The following ULK4 variants were observed in gnomAD, a reference collection of about 807,000 sequenced individuals.
ULK4 encodes the protein unc-51 like kinase 4.
Under a neutral mutation model 160.6 loss-of-function variants are expected in ULK4, and 133 were observed. The ratio of observed to expected loss-of-function variants is 0.83; its 90% CI spans 0.72 to 0.96. The LOEUF is 0.96. Ranked by LOEUF, ULK4 falls within the 40% of genes least tolerant of loss-of-function variation. The probability of loss-of-function intolerance (pLI) is 0.00; values close to 1 mark genes in which losing one functional copy is unlikely to be tolerated. For synonymous variants in ULK4, 534 were observed against 539.8 expected (o/e 0.99, Z 0.15); for missense variants, 1,580 against 1,499.5 (o/e 1.05, Z -0.89).
intron 35 of ULK4, among the ~76,000 whole-genome samples, chr3:41,293,083 C>G (rs2079602756): frequency 6.6e-6 from 1 of 152,128 alleles, no homozygotes; most frequent in Non-Finnish European, 1.5e-5. Flanking sequence ...GATCATGTCA[C>G]TGCACTCCAG....
At chr3:41,364,338 C>A (rs1016520004) in intron 35 of ULK4, among the ~76,000 whole-genome samples, 1 of 152,174 alleles carries the variant, frequency 6.6e-6, no homozygotes, top group Non-Finnish European at 1.5e-5. Context: ...ACCTTTGCCC[C>A]TGAACTGATT....
Position 41,520,656 on chromosome 3 carries a change from AC to A in ULK4, c.3226+45368del, listed in dbSNP as rs1437297389. On this transcript the variant is annotated intron_variant, in intron 32 of 36. Transcript: ENST00000301831. The stretch of plus-strand genomic sequence containing the variant: ...CTATACAATTTTCCACAGCGGCTGA[AC>A]CATTTTACATTTCTACCAGCAATGC... Among the ~76,000 whole-genome samples the A allele has an allele frequency of 1.3e-4, 20 of 152,270 alleles. 1 individual carries two copies. Among genetic ancestry groups the A allele is most frequent in the Admixed American group, 3.3e-4 (5 of 15,292 alleles).
chr3:41,287,951 T>A (rs1320486414), intron 35 of ULK4, among the ~76,000 whole-genome samples: 1 of 152,194 alleles, frequency 6.6e-6, no homozygotes, highest in Non-Finnish European at 1.5e-5. Flanking sequence ...TGAAACTTTT[T>A]TGGATCTTGA....
intron 31 of ULK4, among the ~76,000 whole-genome samples, chr3:41,593,892 G>A (rs1263164010): frequency 6.6e-6 from 1 of 151,772 alleles, no homozygotes; most frequent in African/African-American, 2.4e-5. Context: ...ACTTAGCCAG[G>A]TATCACGGCA....
chr3:41,601,501 T>C (rs182670244), intron 31 of ULK4, among the ~76,000 whole-genome samples: 13 of 152,140 alleles, frequency 8.5e-5, no homozygotes, highest in Admixed American at 4.6e-4. Flanking sequence ...AGTAGAAAAA[T>C]TGTGGGTTGG....
At chr3:41,677,983 C>T (rs1047020292) in intron 29 of ULK4, among the ~76,000 whole-genome samples, 1 of 152,082 alleles carries the variant, frequency 6.6e-6, no homozygotes, top group Non-Finnish European at 1.5e-5. Context: ...CTGCCTTGAA[C>T]TGGGACACAG....
intron 31 of ULK4, among the ~76,000 whole-genome samples, chr3:41,575,175 G>T (rs1462854554): frequency 6.6e-6 from 1 of 152,222 alleles, no homozygotes; most frequent in Non-Finnish European, 1.5e-5. Flanking sequence ...GAATTAAACT[G>T]AAAGGGCACA....
At chr3:41,866,247 G>T (rs1696868980) in intron 17 of ULK4, among the ~76,000 whole-genome samples, 1 of 152,196 alleles carries the variant, frequency 6.6e-6, no homozygotes, top group South Asian at 2.1e-4. Context: ...TATCGTTCAT[G>T]CTGTGTTGCT....
chr3:41,756,406 G>T (rs1487248906), intron 21 of ULK4, among the ~76,000 whole-genome samples: 1 of 152,108 alleles, frequency 6.6e-6, no homozygotes, highest in East Asian at 1.9e-4. Context: ...CCATTAAAAA[G>T]AGGTTAAAAC....
intron 2 of ULK4, among the ~76,000 whole-genome samples, chr3:41,939,403 A>G (rs71325688): frequency 8.6e-5 from 13 of 151,732 alleles, no homozygotes; most frequent in Non-Finnish European, 1.5e-5. Flanking sequence ...CAAGTGATCC[A>G]CCCGCCTTGG....
chr3:41,295,768 T>C (rs1030047003), intron 35 of ULK4, among the ~76,000 whole-genome samples: 15 of 152,202 alleles, frequency 9.9e-5, no homozygotes, highest in Admixed American at 3.3e-4. Flanking sequence ...ATCTGGAATA[T>C]TGACACATCA....
chr3:41,855,931 C>A (rs767112109), intron 17 of ULK4, among the ~76,000 whole-genome samples: 1 of 152,070 alleles, frequency 6.6e-6, no homozygotes, highest in Admixed American at 6.6e-5. Context: ...CTAGGTAAAA[C>A]GAGCACCAAA....
At position 41,532,888 on chromosome 3, in the gene ULK4, G is replaced by A. The variant is rs183368758; in HGVS notation, c.3226+33137C>T. On this transcript the variant is annotated intron_variant, in intron 32 of 36. Coordinates refer to ENST00000301831, the MANE Select transcript of ULK4 (RefSeq NM_017886.4). ...AGATTAAAGATGGCCACAAATTACTGTCATTAAGAGCTAGAGTCTCTTTCT... is the reference window on the plus strand; with the variant it reads ...AGATTAAAGATGGCCACAAATTACTATCATTAAGAGCTAGAGTCTCTTTCT... 1.6e-3 allele frequency among the ~76,000 whole-genome samples: 251 copies of A among 152,282 alleles called. 2 individuals are homozygous for A. The highest frequency in any genetic ancestry group is 2.6e-3 in the Non-Finnish European group (180 of 68,020).
At chr3:41,941,339 GAAA>G (rs58069829) in intron 2 of ULK4, among the ~76,000 whole-genome samples, 1 of 101,234 alleles carries the variant, frequency 9.9e-6, no homozygotes, top group African/African-American at 3.7e-5. Flanking sequence ...TGCCCAGCTT[GAAA>G]AAAAAAAAAA....
At chr3:41,527,885 T>C (rs544810125) in intron 32 of ULK4, among the ~76,000 whole-genome samples, 8 of 152,236 alleles carry the variant, frequency 5.3e-5, no homozygotes, top group Non-Finnish European at 1.2e-4. Flanking sequence ...TAGAACAGAA[T>C]AGTTTTATAA....
intron 32 of ULK4, among the ~76,000 whole-genome samples, chr3:41,536,394 T>C (rs1211042863): frequency 3.9e-5 from 6 of 152,112 alleles, no homozygotes; most frequent in African/African-American, 1.2e-4. Context: ...CGCAATACAG[T>C]AAATACAGTT....
intron 35 of ULK4, among the ~76,000 whole-genome samples, chr3:41,286,414 G>A (rs1014469339): frequency 6.6e-6 from 1 of 152,104 alleles, no homozygotes; most frequent in African/African-American, 2.4e-5. Flanking sequence ...GATATGTCCA[G>A]CCTAAGACGG....
intron 32 of ULK4, among the ~76,000 whole-genome samples, chr3:41,493,680 A>G (rs1448140777): frequency 6.6e-6 from 1 of 151,036 alleles, no homozygotes; most frequent in Admixed American, 6.6e-5. Flanking sequence ...ATAGACTGCT[A>G]GCAAGACTAA....
At chr3:41,379,576 A>C (rs983578727) in intron 35 of ULK4, among the ~76,000 whole-genome samples, 12 of 152,214 alleles carry the variant, frequency 7.9e-5, no homozygotes, top group Non-Finnish European at 1.5e-4. Flanking sequence ...AGTTTGGCAC[A>C]ACTGCCTAAA....
Sources: gnomAD v4.1 joint callset for allele counts (sites outside exome capture counted in the v4.1 genomes callset) on GRCh38, gnomAD v4.1.1 for gene constraint, MANE v1.5 for transcripts, NCBI Gene and HGNC (gene_info 2026-07-23, HGNC 2026-07-21) for gene names.